Variants in KCNU1 observed in about 807,000 individuals in gnomAD.
The protein encoded by KCNU1 is potassium channel subfamily U member 1.
KCNU1 carries 93 observed loss-of-function variants against 126.8 expected under a neutral mutation model. The observed-to-expected ratio is 0.73, with a 90% confidence interval of 0.62 to 0.87. The LOEUF (loss-of-function observed/expected upper bound fraction) is 0.87. KCNU1 is among the 40% of genes least tolerant of loss of function. KCNU1 has a pLI of 0.00. For missense variants in KCNU1, 1,330 were observed against 1,367.1 expected, an observed-to-expected ratio of 0.97 and a Z score of 0.43; for synonymous variants, 523 against 494.2, an observed-to-expected ratio of 1.06 and a Z score of -0.77.
intron 19 of KCNU1, among the ~76,000 whole-genome samples, chr8:36,894,594 A>G (rs1563320849): frequency 6.6e-6 from 1 of 152,290 alleles, no homozygotes; most frequent in East Asian, 1.9e-4. Context: ...CTCAGCTTTT[A>G]ATATGTTAAC....
At chr8:36,846,451 T>G (rs1311237227) in intron 18 of KCNU1, among the ~76,000 whole-genome samples, 2 of 152,164 alleles carry the variant, frequency 1.3e-5, no homozygotes. Context: ...TTCCACTTAA[T>G]GGCAGAAAAG....
intron 10 of KCNU1, among the ~76,000 whole-genome samples, chr8:36,826,934 G>C (rs7013668): frequency 6.6e-6 from 1 of 151,864 alleles, no homozygotes; most frequent in African/African-American, 2.4e-5. Context: ...AACAAAATAC[G>C]CATAAATATA....
rs1079681 is a variant in KCNU1, at chr8:36,806,367, G to A, written c.567G>A (p.Lys189=). The A allele has an allele frequency of 6.3e-7, 1 of 1,593,818 alleles. No homozygotes were observed. The highest frequency in any genetic ancestry group is 8.6e-7 in the Non-Finnish European group (1 of 1,164,434). ...IPPTFISYYL[K]SNWLGLRFLR... is the part of the protein sequence containing the mutation. ...CAACCTTTATTTCTTATTATTTGAA[G>A]AGCAATTGGCTAGGTAAGTGTGCTC... Residue 189 remains lysine (K), a synonymous_variant, in exon 5 of 27, where the codon AAG becomes AAA. Transcript: ENST00000399881.
At chr8:36,923,199 T>C (rs1331503948) in intron 24 of KCNU1, among the ~76,000 whole-genome samples, 7 of 152,202 alleles carry the variant, frequency 4.6e-5, no homozygotes, top group Non-Finnish European at 8.8e-5. Flanking sequence ...GTGGAATTAA[T>C]TCATTGTACA....
At chr8:36,923,054 G>T in intron 24 of KCNU1, 1 of 457,464 alleles carries the variant, frequency 2.2e-6, no homozygotes, top group Non-Finnish European at 4.4e-6. Context: ...GGTGAGTTTT[G>T]CTCAGAGCTA....
intron 8 of KCNU1, among the ~76,000 whole-genome samples, 182 bp downstream of exon 8, chr8:36,814,559 G>A (rs1803840421): frequency 6.6e-6 from 1 of 152,134 alleles, no homozygotes. Context: ...CTGGAGCTCA[G>A]GATAAAATTG....
At chr8:36,794,897 C>A (rs1045198555) in intron 2 of KCNU1, among the ~76,000 whole-genome samples, 1 of 152,086 alleles carries the variant, frequency 6.6e-6, no homozygotes. Context: ...CCACCCACTC[C>A]AGCCTGGGCA....
intron 2 of KCNU1, among the ~76,000 whole-genome samples, chr8:36,790,387 A>T (rs768050188): frequency 6.6e-6 from 1 of 152,108 alleles, no homozygotes; most frequent in Non-Finnish European, 1.5e-5. Flanking sequence ...AGCAGAATAA[A>T]TTTAAAAGAT....
chr8:36,834,971 TA>T, intron 12 of KCNU1, 103 bp downstream of exon 12: 6 of 731,732 alleles, frequency 8.2e-6, no homozygotes, highest in Non-Finnish European at 1.4e-5. Flanking sequence ...TCGTCTATCA[TA>T]TCACTAGGTT....
chr8:36,894,339 C>T (rs1807096863), intron 19 of KCNU1, among the ~76,000 whole-genome samples: 1 of 152,054 alleles, frequency 6.6e-6, no homozygotes, highest in Non-Finnish European at 1.5e-5. Context: ...CTTAGCACAG[C>T]AGAATTTGTA....
At position 36,931,103 on chromosome 8, in the gene KCNU1, G is replaced by A; in HGVS notation, c.2889G>A (p.Leu963=). The change falls in exon 25 of 27, where the codon CTG becomes CTA. Residue 963 remains leucine (L), a synonymous_variant. Coordinates refer to ENST00000399881, the MANE Select transcript of KCNU1 (RefSeq NM_001031836.3). ...SLLSGRNRCK[L]GLLSLHETIL... is the part of the protein sequence containing the mutation. Reference sequence around the variant, plus strand: ...TGTCTGGAAGAAACCGGTGTAAGCTGGGGCTTCTGTCCTTACACGAAACCA... The same window carrying A: ...TGTCTGGAAGAAACCGGTGTAAGCTAGGGCTTCTGTCCTTACACGAAACCA... 2 of 1,611,456 alleles carry A rather than the reference G, an allele frequency of 1.2e-6. No homozygotes were observed. The highest frequency in any genetic ancestry group is 2.2e-5 in the South Asian group (2 of 90,604).
chr8:36,907,165 A>G (rs1434463874), intron 20 of KCNU1, among the ~76,000 whole-genome samples: 2 of 152,152 alleles, frequency 1.3e-5, no homozygotes, highest in African/African-American at 4.8e-5. Context: ...GCCTCTAGGA[A>G]AGAAATATCT....
intron 19 of KCNU1, among the ~76,000 whole-genome samples, chr8:36,894,942 C>G (rs1807125720): frequency 6.6e-6 from 1 of 152,002 alleles, no homozygotes. Context: ...GTTATTGAAC[C>G]AGAAGTGTCA....
chr8:36,801,672 A>G lies in KCNU1; in HGVS notation c.316-2355A>G, dbSNP rs572550414. 3.3e-5 allele frequency among the ~76,000 whole-genome samples: 5 copies of G among 152,236 alleles called. No homozygotes were observed. In the East Asian group the frequency reaches 7.7e-4, roughly 23 times the overall value. On this transcript the variant is annotated intron_variant, in intron 2 of 26. Coordinates refer to ENST00000399881, the MANE Select transcript of KCNU1 (RefSeq NM_001031836.3). The stretch of plus-strand genomic sequence containing the variant: ...CAATATGCTGCTATTAAATGTATAT[A>G]TGTGTGTATATATACACACACATAT...
intron 22 of KCNU1, 99 bp downstream of exon 22, chr8:36,911,218 G>T: frequency 5.0e-6 from 5 of 1,001,684 alleles, no homozygotes; most frequent in Non-Finnish European, 7.2e-6. Flanking sequence ...GAGCAGGAGG[G>T]TGGGCCAGAT....
intron 7 of KCNU1, among the ~76,000 whole-genome samples, chr8:36,811,803 G>A (rs1442063259): frequency 6.6e-6 from 1 of 151,978 alleles, no homozygotes. Flanking sequence ...ATGATGGCAG[G>A]TGCCTATAAA....
chr8:36,910,344 C>A (rs1424068361), intron 21 of KCNU1, among the ~76,000 whole-genome samples: 1 of 152,120 alleles, frequency 6.6e-6, no homozygotes, highest in Non-Finnish European at 1.5e-5. Context: ...CCTGTACTAC[C>A]GCTCCTGCTT....
intron 2 of KCNU1, among the ~76,000 whole-genome samples, chr8:36,799,362 G>C (rs556179329): frequency 3.3e-5 from 5 of 151,712 alleles, no homozygotes; most frequent in African/African-American, 1.2e-4. Flanking sequence ...TTTCCTCCCT[G>C]ACAAGTCTTG....
intron 19 of KCNU1, among the ~76,000 whole-genome samples, chr8:36,879,916 A>G (rs1434700442): frequency 6.6e-6 from 1 of 152,210 alleles, no homozygotes; most frequent in African/African-American, 2.4e-5. Flanking sequence ...TCCAACCGCC[A>G]ATCAAGTACT....
Sources: allele counts gnomAD v4.1 joint callset (sites outside exome capture counted in the v4.1 genomes callset), GRCh38; gene constraint gnomAD v4.1.1; transcripts MANE v1.5; gene names NCBI Gene and HGNC (gene_info 2026-07-23, HGNC 2026-07-21).